C1QTNF9: variants seen among roughly 807,000 people sequenced by gnomAD.
C1QTNF9 encodes the protein complement C1q and tumor necrosis factor-related protein 9A.
C1QTNF9 carries 6 observed loss-of-function variants against 10.1 expected under a neutral mutation model. The ratio of observed to expected loss-of-function variants is 0.59; its 90% CI spans 0.32 to 1.17. The LOEUF is 1.17. Ranked by LOEUF, C1QTNF9 falls within the 50% of genes most tolerant of loss-of-function variation. The pLI, the probability that C1QTNF9 is intolerant of heterozygous loss-of-function variation, is 0.04. For missense variants in C1QTNF9, 201 were observed against 418.8 expected (o/e 0.48, Z 4.54); for synonymous variants, 98 against 163.5 (o/e 0.60, Z 3.06).
chr13:24,312,321 G>T (rs1331679242), intron 1 of C1QTNF9, among the ~76,000 whole-genome samples: 1 of 152,168 alleles, frequency 6.6e-6, no homozygotes, highest in South Asian at 2.1e-4. Flanking sequence ...TAGTCTAGGT[G>T]TGGTGTACAG....
Position 24,319,824 on chromosome 13 carries a change from T to TACTG in C1QTNF9, c.229+948_229+951dup, listed in dbSNP as rs532401169. On this transcript the variant is annotated intron_variant, in intron 3 of 3. Transcript: ENST00000332018. ...TAATCTTCACTTTGTGCTTTTCATGTACTGACTCACTGAATGCAATATCCC... is the reference window on the plus strand; with the variant it reads ...TAATCTTCACTTTGTGCTTTTCATGTACTGACTGACTCACTGAATGCAATATCCC... Among the ~76,000 whole-genome samples the TACTG allele has an allele frequency of 9.4e-4, 143 of 152,292 alleles. 1 individual carries two copies. The highest frequency in any genetic ancestry group is 6.8e-3 in the Middle Eastern group (2 of 294).
chr13:24,309,990 G>A (rs1593529690), intron 1 of C1QTNF9, among the ~76,000 whole-genome samples: 1 of 152,232 alleles, frequency 6.6e-6, no homozygotes, highest in African/African-American at 2.4e-5. Context: ...CGCCTCCCGG[G>A]TTCAAGCAAT....
At chr13:24,316,772 G>A (rs559381672) in intron 2 of C1QTNF9, among the ~76,000 whole-genome samples, 6 of 152,264 alleles carry the variant, frequency 3.9e-5, no homozygotes, top group Non-Finnish European at 7.4e-5. Context: ...CCTCTGGGAG[G>A]GAGATTTGCC....
At chr13:24,310,164 T>TTTTTTTTGAGA (rs1435040994) in intron 1 of C1QTNF9, among the ~76,000 whole-genome samples, 1 of 151,682 alleles carries the variant, frequency 6.6e-6, no homozygotes, top group Non-Finnish European at 1.5e-5. Flanking sequence ...AGTGCTGGGA[T>TTTTTTTTGAGA]TTTTTTTGAG....
intron 1 of C1QTNF9, among the ~76,000 whole-genome samples, chr13:24,310,219 T>C (rs1877758846): frequency 6.6e-6 from 1 of 150,950 alleles, no homozygotes; most frequent in African/African-American, 2.4e-5. Context: ...AGTGGCAGGA[T>C]CTCAGCTCAC....
chr13:24,317,576 G>A (rs1234814610), intron 2 of C1QTNF9, among the ~76,000 whole-genome samples: 2 of 151,552 alleles, frequency 1.3e-5, no homozygotes, highest in African/African-American at 4.9e-5. Context: ...CATTCACATT[G>A]CTCACACTAA....
intron 2 of C1QTNF9, 32 bp downstream of exon 2, chr13:24,316,201 A>G (rs9511194): frequency 0.19 from 240,290 of 1,279,984 alleles, 42,144 homozygotes; most frequent in African/African-American, 0.25. Context: ...CTGCCTTTCA[A>G]CTTCTCTCTT....
At chr13:24,312,917 T>G (rs1877887514) in intron 1 of C1QTNF9, among the ~76,000 whole-genome samples, 1 of 145,110 alleles carries the variant, frequency 6.9e-6, no homozygotes, top group African/African-American at 2.6e-5. Context: ...ATCGCGCCAC[T>G]GCACTCCAGC....
Position 24,318,196 on chromosome 13 carries a change from A to C in C1QTNF9, c.167-622A>C, listed in dbSNP as rs180774116. ...CGGATAGCACGCCGACCTGGAGCTCAGGGGGGCCTGTTCTGAGCACAAGGA... is the reference window on the plus strand; with the variant it reads ...CGGATAGCACGCCGACCTGGAGCTCCGGGGGGCCTGTTCTGAGCACAAGGA... On this transcript the variant is annotated intron_variant, in intron 2 of 3. Coordinates refer to ENST00000332018, the Ensembl canonical transcript of C1QTNF9. Among the ~76,000 whole-genome samples, 573 of 152,232 alleles carry C rather than the reference A, an allele frequency of 3.8e-3. 9 individuals carry two copies. The highest frequency in any genetic ancestry group is 0.013 in the African/African-American group (539 of 41,550).
At chr13:24,316,021 T>C in exon 2 of C1QTNF9, 1 of 1,613,756 alleles carries the variant, frequency 6.2e-7, no homozygotes, top group East Asian at 2.2e-5. Context: ...TCTGGTGGCT[T>C]CTGCTTGCCA....
chr13:24,318,619 A>G (rs1386608276), intron 2 of C1QTNF9, among the ~76,000 whole-genome samples, 199 bp from the exon 3 acceptor site: 1 of 152,152 alleles, frequency 6.6e-6, no homozygotes, highest in East Asian at 1.9e-4. Context: ...TTCTTAGGTC[A>G]CTTATCCCAC....
chr13:24,319,475 G>A (rs1593536346), intron 3 of C1QTNF9, among the ~76,000 whole-genome samples: 1 of 152,162 alleles, frequency 6.6e-6, no homozygotes, highest in African/African-American at 2.4e-5. Flanking sequence ...GGAGGTTGGG[G>A]CTGCCATGAG....
intron 1 of C1QTNF9, among the ~76,000 whole-genome samples, chr13:24,311,041 G>A (rs1432483808): frequency 3.9e-5 from 6 of 152,150 alleles, no homozygotes; most frequent in Admixed American, 2.0e-4. Flanking sequence ...CGTCAGATCC[G>A]GGAGGGCATT....
In C1QTNF9 at chr13:24,314,934, C is replaced by A. The variant is rs56760950; in HGVS notation, c.-22-1048C>A. 1.8e-3 allele frequency among the ~76,000 whole-genome samples: 273 copies of A among 151,598 alleles called. 2 individuals carry two copies. Among genetic ancestry groups the A allele is most frequent in the African/African-American group, 6.2e-3 (256 of 41,298 alleles). Reference sequence around the variant, plus strand: ...GTGTGGCCCTTCTTCACAGTGGCCTCCTAGAAAAACAAGACCCTGACTCAA... The same window carrying A: ...GTGTGGCCCTTCTTCACAGTGGCCTACTAGAAAAACAAGACCCTGACTCAA... On this transcript the variant is annotated intron_variant, in intron 1 of 3. Transcript: ENST00000332018.
chr13:24,319,330 G>A (rs1399783648), intron 3 of C1QTNF9, among the ~76,000 whole-genome samples: 3 of 152,218 alleles, frequency 2.0e-5, no homozygotes, highest in South Asian at 4.2e-4. Context: ...CTTGAACCTA[G>A]GAGTTCCAGA....
upstream of C1QTNF9, among the ~76,000 whole-genome samples, chr13:24,308,023 G>A (rs1393827043): frequency 6.6e-6 from 1 of 152,238 alleles, no homozygotes; most frequent in Non-Finnish European, 1.5e-5. Context: ...CACGGAGTGA[G>A]TGGGGTGTCA....
intron 2 of C1QTNF9, among the ~76,000 whole-genome samples, chr13:24,317,601 T>TTTATC (rs60733908): frequency 0.12 from 17,972 of 152,094 alleles, 1,168 homozygotes; most frequent in Middle Eastern, 0.25. Context: ...TTACTTCATT[T>TTTATC]TTATCTTATC....
In C1QTNF9 at chr13:24,314,884, C is replaced by G. The variant is rs140176870; in HGVS notation, c.-22-1098C>G. Among the ~76,000 whole-genome samples the G allele has an allele frequency of 2.4e-3, 358 of 149,490 alleles. 4 individuals carry two copies. Among genetic ancestry groups the G allele is most frequent in the Non-Finnish European group, 4.1e-3 (272 of 66,916 alleles). On this transcript the variant is annotated intron_variant, in intron 1 of 3. Transcript: ENST00000332018. ...GGAAAGGACTTGAAAATGCATTTCTCCCGAACTAGGTGATGTTTCCGTGTG... is the reference window on the plus strand; with the variant it reads ...GGAAAGGACTTGAAAATGCATTTCTGCCGAACTAGGTGATGTTTCCGTGTG...
At chr13:24,320,534 A>T (rs1345376051) in intron 3 of C1QTNF9, among the ~76,000 whole-genome samples, 1 of 151,950 alleles carries the variant, frequency 6.6e-6, no homozygotes, top group Non-Finnish European at 1.5e-5. Flanking sequence ...ACAGTTGTGC[A>T]CCACCGCGCC....
Sources: gnomAD v4.1 joint callset for allele counts (sites outside exome capture counted in the v4.1 genomes callset) on GRCh38, gnomAD v4.1.1 for gene constraint, MANE v1.5 for transcripts, NCBI Gene and HGNC (gene_info 2026-07-23, HGNC 2026-07-21) for gene names.